PRKCE: variants seen among roughly 807,000 people sequenced by gnomAD.
PRKCE encodes protein kinase C epsilon type.
A neutral mutation model predicts 85.4 loss-of-function variants in PRKCE; 16 were observed. The observed-to-expected ratio is 0.19, with a 90% CI of 0.13 to 0.28. The LOEUF is 0.28. PRKCE is among the 10% of genes least tolerant of loss of function. The pLI is 1.00. For missense variants in PRKCE, 573 were observed against 975.2 expected (o/e 0.59, Z 5.49); for synonymous variants, 388 against 371.5 (o/e 1.04, Z -0.51).
At chr2:45,842,702 G>T (rs533725051) in intron 1 of PRKCE, among the ~76,000 whole-genome samples, 1 of 152,160 alleles carries the variant, frequency 6.6e-6, no homozygotes, top group Non-Finnish European at 1.5e-5. Flanking sequence ...CCCACTAGCT[G>T]CCAGAAGCAG....
intron 5 of PRKCE, among the ~76,000 whole-genome samples, chr2:45,984,276 A>C (rs1351081555): frequency 6.6e-6 from 1 of 152,108 alleles, no homozygotes; most frequent in East Asian, 1.9e-4. Context: ...TGATTGCTTA[A>C]AGTCCTGAAG....
intron 1 of PRKCE, among the ~76,000 whole-genome samples, chr2:45,758,514 CTT>C (rs10531971): frequency 0.39 from 58,528 of 151,818 alleles, 11,343 homozygotes; most frequent in African/African-American, 0.4. Context: ...GCCTGGAACA[CTT>C]TTCCTTGAGA....
chr2:46,159,691 A>G lies in PRKCE; in HGVS notation c.2006A>G (p.Lys669Arg). 6.3e-7 allele frequency: 1 copy of G among 1,599,474 alleles called. No homozygotes were observed. The highest frequency in any genetic ancestry group is 8.5e-7 in the Non-Finnish European group (1 of 1,179,872). Residue 669 changes from lysine to arginine, a missense_variant, in exon 14 of 15, where the codon AAA becomes AGA. Lys to Arg is a conservative substitution (Grantham distance 26). This residue lies in a region of PRKCE where 72 missense variants were observed against 166.0 expected (regional missense o/e 0.43). Transcript: ENST00000306156. This position sits in a 1 kb window ranked among gnomAD's most constrained non-coding sequence, Gnocchi z 4.1. Reference sequence around the variant, plus strand: ...GCCATCAAGCAGCACCCATTCTTCAAAGAGATTGACTGGGTGCTCCTGGAG... The same window carrying G: ...GCCATCAAGCAGCACCCATTCTTCAGAGAGATTGACTGGGTGCTCCTGGAG... ...EDAIKQHPFFKEIDWVLLEQK... is the reference protein window; with the variant it reads ...EDAIKQHPFFREIDWVLLEQK...
chr2:45,657,300 G>C (rs1285201391), intron 1 of PRKCE, among the ~76,000 whole-genome samples: 1 of 150,032 alleles, frequency 6.7e-6, no homozygotes, highest in Non-Finnish European at 1.5e-5. Flanking sequence ...GCTTGGACTT[G>C]AATCCCACTT....
At chr2:45,942,913 T>C (rs1278691397) in intron 2 of PRKCE, among the ~76,000 whole-genome samples, 1 of 152,204 alleles carries the variant, frequency 6.6e-6, no homozygotes, top group East Asian at 1.9e-4. Flanking sequence ...GCTTTAAAAG[T>C]ATAAAAGAAA....
chr2:45,680,428 C>T (rs775869362), intron 1 of PRKCE, among the ~76,000 whole-genome samples: 1 of 152,162 alleles, frequency 6.6e-6, no homozygotes, highest in Non-Finnish European at 1.5e-5. Context: ...ATTCGCTAAC[C>T]TGTGGTGGGG....
intron 1 of PRKCE, among the ~76,000 whole-genome samples, chr2:45,676,434 C>G (rs1676452227): frequency 6.6e-6 from 1 of 152,208 alleles, no homozygotes; most frequent in South Asian, 2.1e-4. Flanking sequence ...GCCTTTTCCT[C>G]TCTTAATACA....
chr2:46,080,658 G>A (rs555572158), intron 10 of PRKCE, among the ~76,000 whole-genome samples: 16 of 152,320 alleles, frequency 1.1e-4, no homozygotes, highest in East Asian at 7.7e-4. Flanking sequence ...TCCCTGGAGT[G>A]AAGGTTGGAT....
At chr2:45,837,033 T>A (rs1325831298) in intron 1 of PRKCE, among the ~76,000 whole-genome samples, 1 of 152,180 alleles carries the variant, frequency 6.6e-6, no homozygotes, top group Non-Finnish European at 1.5e-5. Context: ...AGCTTGACTT[T>A]GTATATTAGA....
At chr2:46,175,809 A>G (rs1379584369) in intron 14 of PRKCE, among the ~76,000 whole-genome samples, 1 of 152,016 alleles carries the variant, frequency 6.6e-6, no homozygotes, top group African/African-American at 2.4e-5. Flanking sequence ...TGAACTTGCT[A>G]TGTGTTGGAG....
chr2:45,964,138 G>A (rs73926123), intron 2 of PRKCE, among the ~76,000 whole-genome samples: 12,939 of 152,238 alleles, frequency 0.085, 715 homozygotes, highest in African/African-American at 0.15. Context: ...GCATTAAAAG[G>A]CTTGTTATTT....
intron 2 of PRKCE, among the ~76,000 whole-genome samples, chr2:45,937,242 C>T (rs1699528661): frequency 6.6e-6 from 1 of 152,104 alleles, no homozygotes; most frequent in Non-Finnish European, 1.5e-5. Context: ...GAGATTATAG[C>T]AGAAGCTGTT....
intron 2 of PRKCE, among the ~76,000 whole-genome samples, chr2:45,898,764 A>T (rs80092539): frequency 0.088 from 13,441 of 152,176 alleles, 758 homozygotes; most frequent in Non-Finnish European, 0.13. Context: ...CCAGATCAGG[A>T]TTTCCTAGGG....
intron 2 of PRKCE, among the ~76,000 whole-genome samples, chr2:45,949,359 C>G (rs986026652): frequency 7.5e-6 from 1 of 133,938 alleles, no homozygotes; most frequent in African/African-American, 2.8e-5. Flanking sequence ...TTAAAATATT[C>G]TTTTAGGACT....
rs1185488765 is a variant in PRKCE, at chr2:45,991,422, T to A, written c.823+6742T>A. ...AGCATCTAGAACAGTGCCTGCACAC[T>A]GACATCCAATAAATATTTGTTAATT... On this transcript the variant is annotated intron_variant, in intron 6 of 14. Transcript: ENST00000306156. Among the ~76,000 whole-genome samples, 25 of 152,228 alleles carry A rather than the reference T, an allele frequency of 1.6e-4. 1 individual carries two copies. The highest frequency in any genetic ancestry group is 1.6e-3 in the Admixed American group (25 of 15,282).
intron 2 of PRKCE, among the ~76,000 whole-genome samples, chr2:45,925,136 AG>A (rs1175791437): frequency 1.3e-5 from 2 of 152,160 alleles, no homozygotes; most frequent in African/African-American, 4.8e-5. Context: ...GATACTGGGC[AG>A]CCAGGACATG....
chr2:45,939,801 C>A (rs1369733433), intron 2 of PRKCE, among the ~76,000 whole-genome samples: 1 of 152,188 alleles, frequency 6.6e-6, no homozygotes, highest in Non-Finnish European at 1.5e-5. Flanking sequence ...GATCTGCCTG[C>A]CTTGGCCTCC....
At chr2:45,808,052 C>T (rs1688376380) in intron 1 of PRKCE, among the ~76,000 whole-genome samples, 1 of 152,110 alleles carries the variant, frequency 6.6e-6, no homozygotes, top group African/African-American at 2.4e-5. Context: ...CGCTCCCAGA[C>T]TGTTGCTGAT....
In PRKCE at chr2:45,884,991, A is replaced by ATTTTT. The variant is rs1323692604; in HGVS notation, c.412+41929_412+41930insTTTTT. Among the ~76,000 whole-genome samples the ATTTTT allele has an allele frequency of 6.9e-5, 4 of 57,758 alleles. No individual in the cohort carries two copies. The East Asian group carries it at 4.2e-3, about 60-fold the overall frequency. The allele number at this position is 57,758 out of a possible 152,430, so 37.9% of individuals were successfully genotyped here. On this transcript the variant is annotated intron_variant, in intron 2 of 14. Coordinates refer to ENST00000306156, the MANE Select transcript of PRKCE (RefSeq NM_005400.3). ...TATATATATATATATATATATATATATATATATATATTTGTTGTTGTTGTT... is the reference window on the plus strand; with the variant it reads ...TATATATATATATATATATATATATATTTTTTATATATATATTTGTTGTTGTTGTT...
Sources: gnomAD v4.1 joint callset for allele counts (sites outside exome capture counted in the v4.1 genomes callset) on GRCh38, gnomAD v4.1.1 for gene constraint, gnomAD v4.1.1 regional missense constraint, Gnocchi (gnomAD v3.1) non-coding constraint, MANE v1.5 for transcripts, NCBI Gene and HGNC (gene_info 2026-07-23, HGNC 2026-07-21) for gene names.